Variants in F8 observed in about 807,000 individuals in gnomAD.
F8 encodes the protein antihemophilic factor.
A neutral mutation model predicts 140.6 loss-of-function variants in F8; 12 were observed. The ratio of observed to expected loss-of-function variants is 0.09; its 90% CI spans 0.05 to 0.14. The LOEUF is 0.14. Among genes scored for constraint, F8 ranks in the 10% least tolerant of loss-of-function variants. The pLI is 1.00. For missense variants in F8, 1,354 were observed against 1,720.7 expected, an observed-to-expected ratio of 0.79 and a Z score of 3.77; for synonymous variants, 585 against 614.6, an observed-to-expected ratio of 0.95 and a Z score of 0.71.
chrX:154,922,058 C>T (rs936179732), intron 14 of F8, among the ~76,000 whole-genome samples: 8 of 111,842 alleles, frequency 7.2e-5, no homozygotes, highest in African/African-American at 1.9e-4. Flanking sequence ...ACAAAACAAA[C>T]AAACAAAAAG....
chrX:154,895,275 G>A (rs1557275519), intron 22 of F8, among the ~76,000 whole-genome samples: 1 of 112,367 alleles, frequency 8.9e-6, no homozygotes, highest in African/African-American at 3.2e-5. Flanking sequence ...AGAGAAGCAG[G>A]AAAATGGATC....
At chrX:154,986,468 T>C (rs997332427) in intron 5 of F8, among the ~76,000 whole-genome samples, 7 of 110,050 alleles carry the variant, frequency 6.4e-5, no homozygotes, top group Admixed American at 1.9e-4. Context: ...TTTTTAATTC[T>C]TTTGTAGAGA....
chrX:154,910,273 G>C (rs2073058716), intron 14 of F8, among the ~76,000 whole-genome samples: 1 of 111,138 alleles, frequency 9.0e-6, no homozygotes, highest in Non-Finnish European at 1.9e-5. Context: ...CCTTTGCAGG[G>C]ACATGGATGA....
At chrX:154,977,501 TTCTC>T (rs2073493389) in intron 6 of F8, 1 of 110,642 alleles carries the variant, frequency 9.0e-6, no homozygotes, top group Non-Finnish European at 1.9e-5. Flanking sequence ...GAAAATATTT[TTCTC>T]TCTCTTTCAT....
At chrX:154,937,351 T>C (rs782463995) in intron 13 of F8, among the ~76,000 whole-genome samples, 1 of 110,757 alleles carries the variant, frequency 9.0e-6, no homozygotes, top group Non-Finnish European at 1.9e-5. Context: ...ATTAGTAAAT[T>C]TGATGAACCT....
Position 154,930,905 on chromosome X carries a change from T to C in F8, c.2885A>G (p.Asn962Ser). 2 of 1,201,196 alleles carry C rather than the reference T, an allele frequency of 1.7e-6. No individual in the cohort carries two copies. The highest frequency in any genetic ancestry group is 2.2e-6 in the Non-Finnish European group (2 of 891,281). Residue 962 changes from asparagine (N) to serine (S), a missense_variant, in exon 14 of 26, where the codon AAT becomes AGT. This residue lies in a region of F8 where 658 missense variants were observed against 666.5 expected (regional missense o/e 0.99). Coordinates refer to ENST00000360256, the MANE Select transcript of F8 (RefSeq NM_000132.4). ...ACCTGATTCTAACAACTTTGAATCATTATTTTCTTCACTCAAGCTCAGAGG... is the reference window on the plus strand; with the variant it reads ...ACCTGATTCTAACAACTTTGAATCACTATTTTCTTCACTCAAGCTCAGAGG... ...GGPLSLSEEN[N>S]DSKLLESGLM...
At position 154,930,054 on chromosome X, in the gene F8, G is replaced by A. The variant is rs1438293020; in HGVS notation, c.3736C>T (p.Leu1246Phe). 8.3e-7 allele frequency: 1 copy of A among 1,211,084 alleles called. No homozygotes were observed. The highest frequency in any genetic ancestry group is 1.8e-5 in the South Asian group (1 of 56,965). ...VTGTKNFMKN[L>F]FLLSTRQNVE... ...TTTTGCCTAGTGCTCAGTAAGAAAA[G>A]GTTCTTCATGAAATTCTTAGTGCCA... Residue 1246 changes from leucine (L) to phenylalanine (F), a missense_variant, in exon 14 of 26, where the codon CTT becomes TTT. Physicochemically the swap from Leu to Phe is conservative, Grantham distance 22 (BLOSUM62 0). This residue lies in a region of F8 where 658 missense variants were observed against 666.5 expected (regional missense o/e 0.99). Transcript: ENST00000360256.
intron 15 of F8, among the ~76,000 whole-genome samples, chrX:154,905,690 T>C (rs1603433016): frequency 8.9e-6 from 1 of 111,926 alleles, no homozygotes; most frequent in South Asian, 3.6e-4. Context: ...AAAGTATAGG[T>C]GTTTTTTAAA....
At chrX:155,009,821 G>T (rs981146761) in intron 1 of F8, among the ~76,000 whole-genome samples, 2 of 111,789 alleles carry the variant, frequency 1.8e-5, no homozygotes, top group Non-Finnish European at 3.8e-5. Context: ...TAGAGCAATA[G>T]ATTGGAAGAT....
At position 154,929,919 on chromosome X, in the gene F8, C is replaced by G; in HGVS notation, c.3871G>C (p.Gly1291Arg). 2.5e-6 allele frequency: 3 copies of G among 1,211,160 alleles called. No homozygotes were observed. Among genetic ancestry groups the G allele is most frequent in the Non-Finnish European group, 3.4e-6 (3 of 895,244 alleles). The change falls in exon 14 of 26, where the codon GGG becomes CGG. Residue 1291 changes from glycine (G) to arginine (R), a missense_variant. By Grantham distance (125) the Gly-to-Arg change is moderately radical. Around this residue, in one of 4 missense-constraint regions of F8, gnomAD observed 658 missense variants for 666.5 expected, o/e 0.99. Coordinates refer to ENST00000360256, the MANE Select transcript of F8 (RefSeq NM_000132.4). ...KKHTAHFSKK[G>R]EEENLEGLGN... ...AAGCCTTCCAAGTTTTCTTCCTCCC[C>G]TTTTTTTGAGAAATGAGCTGTGTGT...
At chrX:155,020,132 A>T (rs1557287376) in intron 1 of F8, among the ~76,000 whole-genome samples, 1 of 111,898 alleles carries the variant, frequency 8.9e-6, no homozygotes, top group Non-Finnish European at 1.9e-5. Context: ...CAGATATCAG[A>T]AGATATCATA....
At chrX:154,867,711 A>AT (rs2072742749) in intron 22 of F8, among the ~76,000 whole-genome samples, 1 of 103,160 alleles carries the variant, frequency 9.7e-6, no homozygotes, top group Non-Finnish European at 2.0e-5. Context: ...AAAAAAAAAA[A>AT]GAAAGAAAAA....
At chrX:154,953,400 T>C (rs1449362369) in intron 12 of F8, among the ~76,000 whole-genome samples, 1 of 112,088 alleles carries the variant, frequency 8.9e-6, no homozygotes, top group Non-Finnish European at 1.9e-5. Context: ...GAAAGCCATC[T>C]ACAAGACAAG....
At chrX:154,967,621 A>G (rs962484785) in intron 7 of F8, among the ~76,000 whole-genome samples, 5 of 112,102 alleles carry the variant, frequency 4.5e-5, no homozygotes, top group African/African-American at 1.6e-4. Flanking sequence ...TTTTTTTCTG[A>G]AAAATAAAGA....
At chrX:154,954,601 A>G (rs1235032212) in intron 11 of F8, among the ~76,000 whole-genome samples, 1 of 112,453 alleles carries the variant, frequency 8.9e-6, no homozygotes, top group Non-Finnish European at 1.9e-5. Flanking sequence ...TTTTTTCAGA[A>G]GAGCATTTTG....
In F8 at chrX:154,947,943, T is replaced by C. The variant is rs374789330; in HGVS notation, c.1904-36A>G. ...AATGGGGAAAAGAGATTTAGACACA[T>C]CACAGATTTAGTATTTTGGATTGTG... On this transcript the variant is annotated intron_variant, in intron 12 of 25. Transcript: ENST00000360256. 3.8e-6 allele frequency: 4 copies of C among 1,055,069 alleles called. No homozygotes were observed. In the African/African-American group the frequency reaches 7.4e-5, roughly 19 times the overall value. The allele number at this position is 1,055,069 out of a possible 1,213,427, so 86.9% of individuals were successfully genotyped here. A position where few individuals can be genotyped will look rare whatever the true frequency, so the allele number is the denominator to read the frequency against.
rs2072485905 is a variant in F8, at chrX:154,837,725, T to G, written c.6928A>C (p.Thr2310Pro). ...GGGTCTAGAGAGTTCACCACAGGTG[T>G]GAAGGAGTCTTGATTTCCCTGAAAA... ...KVFQGNQDSF[T>P]PVVNSLDPPL... The change falls in exon 26 of 26, where the codon ACA (threonine) becomes CCA (proline). Residue 2310 changes from threonine to proline, a missense_variant. By Grantham distance (38) the Thr-to-Pro change is conservative. Around this residue, in one of 4 missense-constraint regions of F8, gnomAD observed 316 missense variants for 485.4 expected, o/e 0.65. Coordinates refer to ENST00000360256, the MANE Select transcript of F8 (RefSeq NM_000132.4). 1 of 1,209,777 alleles carries G rather than the reference T, an allele frequency of 8.3e-7. No individual in the cohort carries two copies. Among genetic ancestry groups the G allele is most frequent in the Non-Finnish European group, 1.1e-6 (1 of 894,898 alleles).
At chrX:155,007,514 C>T (rs782243937) in intron 1 of F8, among the ~76,000 whole-genome samples, 2 of 111,941 alleles carry the variant, frequency 1.8e-5, no homozygotes, top group Non-Finnish European at 3.8e-5. Context: ...CAGTACTGGT[C>T]TGTGGCCTGT....
intron 5 of F8, among the ~76,000 whole-genome samples, chrX:154,986,390 A>G: frequency 9.0e-6 from 1 of 111,671 alleles, no homozygotes; most frequent in Non-Finnish European, 1.9e-5. Context: ...TCCTGGGCTC[A>G]AGTGATCCTC....
Sources: gnomAD v4.1 joint callset for allele counts (sites outside exome capture counted in the v4.1 genomes callset) on GRCh38, gnomAD v4.1.1 for gene constraint, gnomAD v4.1.1 regional missense constraint, MANE v1.5 for transcripts, NCBI Gene and HGNC (gene_info 2026-07-23, HGNC 2026-07-21) for gene names.